The following PCCA variants were observed in gnomAD, a reference collection of about 807,000 sequenced individuals.
The protein encoded by PCCA is propionyl-CoA carboxylase subunit alpha, also known as propionyl-CoA carboxylase alpha chain, mitochondrial.
Under a neutral mutation model 101.3 loss-of-function variants are expected in PCCA, and 74 were observed. The ratio of observed to expected loss-of-function variants is 0.73; its 90% CI spans 0.61 to 0.89. PCCA has a LOEUF of 0.89. Ranked by LOEUF, PCCA falls within the 40% of genes least tolerant of loss-of-function variation. The probability of loss-of-function intolerance (pLI) is 0.00; values close to 1 mark genes in which losing one functional copy is unlikely to be tolerated. For synonymous variants in PCCA, 294 were observed against 313.6 expected, an observed-to-expected ratio of 0.94 and a Z score of 0.66; for missense variants, 891 against 907.0, an observed-to-expected ratio of 0.98 and a Z score of 0.23.
At chr13:100,483,020 T>A (rs1566427098) in intron 21 of PCCA, among the ~76,000 whole-genome samples, 1 of 152,186 alleles carries the variant, frequency 6.6e-6, no homozygotes, top group African/African-American at 2.4e-5. Context: ...AAATTTGACT[T>A]TGTACTAACA....
chr13:100,366,528 G>A (rs1211651187), intron 18 of PCCA, among the ~76,000 whole-genome samples: 2 of 152,040 alleles, frequency 1.3e-5, no homozygotes, highest in African/African-American at 4.8e-5. Flanking sequence ...ACAAATAAAT[G>A]CCCTGTAGAA....
intron 19 of PCCA, among the ~76,000 whole-genome samples, chr13:100,369,238 A>G (rs905882904): frequency 2.6e-5 from 4 of 152,216 alleles, no homozygotes; most frequent in Non-Finnish European, 5.9e-5. Context: ...GGAGGTTGCT[A>G]TTAATATATA....
chr13:100,285,659 C>G (rs1225457049), intron 12 of PCCA, among the ~76,000 whole-genome samples: 1 of 152,136 alleles, frequency 6.6e-6, no homozygotes, highest in Non-Finnish European at 1.5e-5. Flanking sequence ...CCTTGAAGGA[C>G]CCATGTTTCA....
chr13:100,212,517 C>T (rs757857805), intron 7 of PCCA, among the ~76,000 whole-genome samples: 7 of 152,182 alleles, frequency 4.6e-5, no homozygotes, highest in Non-Finnish European at 7.3e-5. Flanking sequence ...ACAAATGCGA[C>T]TGTGGAGAAT....
intron 19 of PCCA, among the ~76,000 whole-genome samples, chr13:100,425,239 A>T (rs2079063023): frequency 6.6e-6 from 1 of 152,234 alleles, no homozygotes; most frequent in South Asian, 2.1e-4. Context: ...TAACACAGAA[A>T]AAGTTCTTCC....
chr13:100,294,343 C>T (rs752529704), intron 12 of PCCA, among the ~76,000 whole-genome samples: 3 of 152,106 alleles, frequency 2.0e-5, no homozygotes, highest in East Asian at 1.9e-4. Context: ...TTGGGGGGTA[C>T]ACAATTCAGC....
At chr13:100,259,901 A>G (rs927585164) in intron 9 of PCCA, among the ~76,000 whole-genome samples, 1 of 152,172 alleles carries the variant, frequency 6.6e-6, no homozygotes, top group Non-Finnish European at 1.5e-5. Context: ...ATGAATGTAT[A>G]ATTGAATGTC....
intron 4 of PCCA, among the ~76,000 whole-genome samples, chr13:100,142,069 T>G (rs1433152736): frequency 6.6e-6 from 1 of 152,150 alleles, no homozygotes. Context: ...TTATATACAG[T>G]TTTTCTTCCA....
Position 100,302,998 on chromosome 13 carries a change from T to C in PCCA, c.1284T>C (p.Gly428=). The C allele has an allele frequency of 6.4e-7, 1 of 1,551,938 alleles. No homozygotes were observed. The highest frequency in any genetic ancestry group is 8.9e-7 in the Non-Finnish European group (1 of 1,123,428). ...SQYQEPLHLP[G]VRVDSGIQPG... is the part of the protein sequence containing the mutation. ...ACCAAGAACCGTTACATCTACCTGG[T>C]GTAAGTCATTAAGCTGTAATACCAG... The change falls in exon 14 of 24, where the codon GGT becomes GGC. Residue 428 remains glycine (G), a splice_region_variant and synonymous_variant. Coordinates refer to ENST00000376285, the MANE Select transcript of PCCA (RefSeq NM_000282.4).
chr13:100,392,238 C>T (rs549001811), intron 19 of PCCA, among the ~76,000 whole-genome samples: 4 of 152,046 alleles, frequency 2.6e-5, no homozygotes, highest in South Asian at 2.1e-4. Flanking sequence ...AACAGTGAAG[C>T]GGGAAGGAAG....
chr13:100,406,934 G>A (rs2077718613), intron 19 of PCCA, among the ~76,000 whole-genome samples: 2 of 152,116 alleles, frequency 1.3e-5, no homozygotes, highest in Non-Finnish European at 2.9e-5. Flanking sequence ...GTTATTAGAA[G>A]CCTGTATTTG....
In PCCA at chr13:100,514,971, C is replaced by T. The variant is rs79472743; in HGVS notation, c.1900-456C>T. 2.3e-3 allele frequency among the ~76,000 whole-genome samples: 352 copies of T among 152,342 alleles called. 1 individual carries two copies. The highest frequency in any genetic ancestry group is 8.2e-3 in the African/African-American group (340 of 41,576). On this transcript the variant is annotated intron_variant, in intron 21 of 23. Transcript: ENST00000376285. ...TGTCTTAACTTACTGATACGTAGTG[C>T]AGCCGCTCTTGGAGGGCTGTGGGAA... is the stretch of plus-strand genomic sequence containing the variant.
chr13:100,236,715 G>T (rs2060821670), intron 8 of PCCA: 1 of 152,098 alleles, frequency 6.6e-6, no homozygotes, highest in African/African-American at 2.4e-5. Context: ...ACCCGCCTCA[G>T]CCTCCCAAAG....
intron 21 of PCCA, among the ~76,000 whole-genome samples, chr13:100,485,069 G>C (rs1441828001): frequency 1.3e-5 from 2 of 152,122 alleles, no homozygotes; most frequent in South Asian, 2.1e-4. Flanking sequence ...TATGAAATGA[G>C]TTTAAAATCA....
At chr13:100,160,161 G>T (rs757577667) in intron 6 of PCCA, among the ~76,000 whole-genome samples, 1 of 151,986 alleles carries the variant, frequency 6.6e-6, no homozygotes. Flanking sequence ...CTGAGTTTAC[G>T]CGAAGTGGGA....
chr13:100,128,909 T>G (rs2050222994), intron 4 of PCCA, among the ~76,000 whole-genome samples: 2 of 152,184 alleles, frequency 1.3e-5, no homozygotes, highest in East Asian at 3.8e-4. Flanking sequence ...GTTTTATTTT[T>G]TGTACTTTCT....
intron 1 of PCCA, among the ~76,000 whole-genome samples, chr13:100,091,313 C>A (rs776029884): frequency 6.6e-6 from 1 of 152,202 alleles, no homozygotes; most frequent in South Asian, 2.1e-4. Flanking sequence ...GTAATACATA[C>A]GCTTTGATGA....
intron 4 of PCCA, among the ~76,000 whole-genome samples, chr13:100,145,799 T>C (rs2052468117): frequency 6.6e-6 from 1 of 150,814 alleles, no homozygotes; most frequent in Admixed American, 6.6e-5. Flanking sequence ...GAGGTGGAGG[T>C]TGCGGTGAGC....
intron 21 of PCCA, among the ~76,000 whole-genome samples, chr13:100,479,041 C>A (rs1410680135): frequency 1.3e-5 from 2 of 152,154 alleles, no homozygotes; most frequent in African/African-American, 4.8e-5. Flanking sequence ...ACACAATAAT[C>A]CCACTTATTC....
Sources: gnomAD v4.1 joint callset for allele counts (sites outside exome capture counted in the v4.1 genomes callset) on GRCh38, gnomAD v4.1.1 for gene constraint, MANE v1.5 for transcripts, NCBI Gene and HGNC (gene_info 2026-07-23, HGNC 2026-07-21) for gene names.